AOPEP: variants seen among roughly 807,000 people sequenced by gnomAD.
AOPEP encodes aminopeptidase O.
In AOPEP, 77 loss-of-function variants were observed where a neutral mutation model predicts 98.1. The observed-to-expected ratio is 0.78, with a 90% confidence interval of 0.65 to 0.95. The LOEUF is 0.95. AOPEP is among the 40% of genes least tolerant of loss of function. The pLI, the probability that AOPEP is intolerant of heterozygous loss-of-function variation, is 0.00. For missense variants in AOPEP, 1,024 were observed against 1,024.7 expected, an observed-to-expected ratio of 1.00 and a Z score of 0.01; for synonymous variants, 346 against 365.3, an observed-to-expected ratio of 0.95 and a Z score of 0.60.
intron 5 of AOPEP, among the ~76,000 whole-genome samples, chr9:94,883,969 C>G (rs1256713424): frequency 6.6e-6 from 1 of 152,144 alleles, no homozygotes; most frequent in Non-Finnish European, 1.5e-5. Flanking sequence ...TCTGGCCACC[C>G]CTTGATCCAT....
At chr9:94,904,280 TGTGGTTTTCA>T (rs2050835663) in intron 5 of AOPEP, 1 of 152,224 alleles carries the variant, frequency 6.6e-6, no homozygotes, top group Non-Finnish European at 1.5e-5. Flanking sequence ...GCACAGTGGC[TGTGGTTTTCA>T]TTTATATGAA....
At chr9:94,912,540 A>G (rs2052209095) in intron 5 of AOPEP, among the ~76,000 whole-genome samples, 2 of 152,222 alleles carry the variant, frequency 1.3e-5, no homozygotes, top group Admixed American at 6.5e-5. Context: ...TATGAGAAAG[A>G]GGGCTACACT....
chr9:95,087,899 CA>C (rs527697519), downstream of AOPEP, among the ~76,000 whole-genome samples: 37 of 152,306 alleles, frequency 2.4e-4, no homozygotes, highest in African/African-American at 8.2e-4. Context: ...TGCCTGGCTC[CA>C]GGGGGCAGCA....
At chr9:94,740,313 C>T (rs143965862) in intron 1 of AOPEP, among the ~76,000 whole-genome samples, 1 of 152,132 alleles carries the variant, frequency 6.6e-6, no homozygotes, top group Non-Finnish European at 1.5e-5. Context: ...TAGATAAGGA[C>T]GTGGTTGTGG....
the AOPEP span, chr9:95,135,590 C>T: frequency 3.6e-6 from 4 of 1,107,666 alleles, no homozygotes; most frequent in Non-Finnish European, 5.4e-6. Flanking sequence ...AATCACTAAT[C>T]CAATTTGTGA....
intron 5 of AOPEP, among the ~76,000 whole-genome samples, chr9:94,909,843 A>G (rs1016907405): frequency 2.6e-5 from 4 of 152,162 alleles, no homozygotes; most frequent in African/African-American, 9.7e-5. Flanking sequence ...TGAGTCCGCC[A>G]TGGCACACAG....
At chr9:94,949,311 GGA>G (rs2057926044) in intron 7 of AOPEP, among the ~76,000 whole-genome samples, 1 of 152,146 alleles carries the variant, frequency 6.6e-6, no homozygotes, top group East Asian at 1.9e-4. Flanking sequence ...TAAAATGTGT[GGA>G]GTTTGTTTGC....
chr9:95,056,044 G>C (rs1587828669), intron 13 of AOPEP, among the ~76,000 whole-genome samples: 2 of 152,198 alleles, frequency 1.3e-5, no homozygotes, highest in Admixed American at 6.5e-5. Context: ...AGACTGGAGA[G>C]GGGGAGGCCG....
chr9:94,975,424 G>A lies in AOPEP; in HGVS notation c.1917-3943G>A, dbSNP rs1004589647. Among the ~76,000 whole-genome samples, 5 of 152,200 alleles carry A rather than the reference G, an allele frequency of 3.3e-5. No individual in the cohort carries two copies. The East Asian group carries it at 5.8e-4, about 18-fold the overall frequency. ...TTATTTGTTTCACTTTTAGTGCCAC[G>A]GTAGAATAGTGTCTGTGTGTGCAAG... On this transcript the variant is annotated intron_variant, in intron 10 of 16. Coordinates refer to ENST00000375315, the MANE Select transcript of AOPEP (RefSeq NM_001193329.3).
chr9:95,114,617 G>A, the AOPEP span: 1 of 1,611,094 alleles, frequency 6.2e-7, no homozygotes, highest in Admixed American at 1.7e-5. Flanking sequence ...GGAGTGGTCA[G>A]TGTTTGCTCA....
At chr9:94,946,505 G>A (rs1178027678) in intron 7 of AOPEP, among the ~76,000 whole-genome samples, 1 of 152,050 alleles carries the variant, frequency 6.6e-6, no homozygotes, top group Non-Finnish European at 1.5e-5. Context: ...AGGTCTCATT[G>A]CACTAACAAA....
rs376477119 is a variant in AOPEP at position 95,065,013 on chromosome 9, A to G, written c.2232+4203A>G. On this transcript the variant is annotated intron_variant, in intron 14 of 16. Transcript: ENST00000375315. ...GCTTTGGAGGGCTTGGAGATGTGAA[A>G]TGTTCAGGAGGGTCTTTTCCCTGCT... Among the ~76,000 whole-genome samples, 188 of 152,278 alleles carry G rather than the reference A, an allele frequency of 1.2e-3. 1 individual carries two copies. Among genetic ancestry groups the G allele is most frequent in the African/African-American group, 4.4e-3 (182 of 41,558 alleles).
chr9:94,813,213 A>G (rs977172846), intron 5 of AOPEP, among the ~76,000 whole-genome samples: 4 of 152,204 alleles, frequency 2.6e-5, no homozygotes, highest in Non-Finnish European at 5.9e-5. Context: ...AGATGAGTGC[A>G]TAGCTCAAAG....
chr9:94,822,993 CT>C (rs11315524), intron 5 of AOPEP, among the ~76,000 whole-genome samples: 129,577 of 146,400 alleles, frequency 0.89, 57,408 homozygotes, highest in African/African-American at 0.93. Flanking sequence ...GTCCCCTAAT[CT>C]TTTTTTTTTT....
intron 10 of AOPEP, among the ~76,000 whole-genome samples, chr9:94,974,616 G>A (rs1375082427): frequency 1.3e-5 from 2 of 152,084 alleles, no homozygotes; most frequent in Non-Finnish European, 2.9e-5. Flanking sequence ...AAATGTAACC[G>A]AAGGGTTGAC....
chr9:94,960,046 G>A (rs1473558742), intron 9 of AOPEP, among the ~76,000 whole-genome samples: 1 of 152,138 alleles, frequency 6.6e-6, no homozygotes, highest in Non-Finnish European at 1.5e-5. Context: ...AGAATTAAGA[G>A]GTTGAAATTA....
the AOPEP span, among the ~76,000 whole-genome samples, chr9:95,145,754 ACAAGGGAAC>A: frequency 6.6e-6 from 1 of 152,206 alleles, no homozygotes; most frequent in Non-Finnish European, 1.5e-5. Context: ...TGAGAATGTG[ACAAGGGAAC>A]CACCTAAGCC....
chr9:95,125,252 T>C, the AOPEP span: 3 of 1,278,928 alleles, frequency 2.3e-6, no homozygotes, highest in Non-Finnish European at 3.4e-6. Flanking sequence ...AAACCTGCAC[T>C]GTATAAGGGA....
intron 13 of AOPEP, among the ~76,000 whole-genome samples, chr9:95,018,120 T>A (rs1169499717): frequency 6.6e-6 from 1 of 152,238 alleles, no homozygotes; most frequent in Non-Finnish European, 1.5e-5. Flanking sequence ...TGTGTAGACA[T>A]ATGTTTTCAT....
Sources: allele counts gnomAD v4.1 joint callset (sites outside exome capture counted in the v4.1 genomes callset), GRCh38; gene constraint gnomAD v4.1.1; transcripts MANE v1.5; gene names NCBI Gene and HGNC (gene_info 2026-07-23, HGNC 2026-07-21).